The following CNTNAP2 variants were observed in gnomAD, a reference collection of about 807,000 sequenced individuals.
CNTNAP2 encodes contactin-associated protein-like 2.
CNTNAP2 carries 98 observed loss-of-function variants against 155.2 expected under a neutral mutation model. The observed-to-expected ratio is 0.63, with a 90% CI of 0.54 to 0.75. The LOEUF (loss-of-function observed/expected upper bound fraction) is 0.75, where lower values mean the gene tolerates loss of function less well. Ranked by LOEUF, CNTNAP2 falls within the 30% of genes least tolerant of loss-of-function variation. The pLI is 0.00. For missense variants in CNTNAP2, 1,727 were observed against 1,688.1 expected (o/e 1.02, Z -0.40); for synonymous variants, 651 against 631.2 (o/e 1.03, Z -0.47).
intron 1 of CNTNAP2, among the ~76,000 whole-genome samples, chr7:146,490,904 G>C (rs572702811): frequency 1.3e-5 from 2 of 152,154 alleles, no homozygotes; most frequent in South Asian, 4.1e-4. Flanking sequence ...TTCTCACTTT[G>C]TAATGGTGAC....
chr7:148,169,446 TTAAC>T (rs767940497), intron 17 of CNTNAP2, among the ~76,000 whole-genome samples: 4 of 152,284 alleles, frequency 2.6e-5, no homozygotes, highest in South Asian at 4.2e-4. Context: ...AAAAGTATGA[TTAAC>T]TAATTTTAAA....
chr7:146,506,962 C>T (rs1292344603), intron 1 of CNTNAP2, among the ~76,000 whole-genome samples: 1 of 152,126 alleles, frequency 6.6e-6, no homozygotes, highest in Non-Finnish European at 1.5e-5. Flanking sequence ...CTCAGGCTGA[C>T]CCATGGCCTT....
chr7:147,809,897 AT>A (rs1352473590), intron 13 of CNTNAP2, among the ~76,000 whole-genome samples: 1 of 152,100 alleles, frequency 6.6e-6, no homozygotes, highest in Non-Finnish European at 1.5e-5. Flanking sequence ...AGGGGTTCTG[AT>A]TCAGTCACAT....
At chr7:147,341,399 G>A (rs1795760363) in intron 9 of CNTNAP2, among the ~76,000 whole-genome samples, 1 of 151,156 alleles carries the variant, frequency 6.6e-6, no homozygotes, top group Admixed American at 6.6e-5. Context: ...TAACAAACCT[G>A]CATGTTCTAC....
chr7:146,909,156 A>G (rs1170140520), intron 3 of CNTNAP2, among the ~76,000 whole-genome samples: 5 of 152,074 alleles, frequency 3.3e-5, no homozygotes, highest in Non-Finnish European at 7.4e-5. Context: ...TTGTGGCAAT[A>G]ATCAATAGTT....
At chr7:146,905,081 C>T (rs140842259) in intron 3 of CNTNAP2, among the ~76,000 whole-genome samples, 43 of 152,190 alleles carry the variant, frequency 2.8e-4, no homozygotes, top group East Asian at 1.6e-3. Context: ...GTTGCTTAGC[C>T]GAATCCTTCC....
chr7:146,852,196 A>G (rs565174744), intron 3 of CNTNAP2, among the ~76,000 whole-genome samples: 1 of 152,266 alleles, frequency 6.6e-6, no homozygotes, highest in South Asian at 2.1e-4. Flanking sequence ...AGTACTTTAT[A>G]AAGTTATGAC....
intron 13 of CNTNAP2, among the ~76,000 whole-genome samples, chr7:147,782,317 A>C (rs10263200): frequency 0.18 from 26,746 of 152,254 alleles, 3,018 homozygotes; most frequent in African/African-American, 0.31. Context: ...CTAACAGCAA[A>C]TGTGAAAAGT....
chr7:146,171,655 G>A (rs1486352858), intron 1 of CNTNAP2, among the ~76,000 whole-genome samples: 5 of 151,234 alleles, frequency 3.3e-5, no homozygotes, highest in African/African-American at 4.9e-5. Context: ...ACACCAGTTT[G>A]GGAATTTTCT....
At chr7:146,825,324 G>A (rs185287072) in intron 2 of CNTNAP2, among the ~76,000 whole-genome samples, 2 of 152,186 alleles carry the variant, frequency 1.3e-5, no homozygotes, top group East Asian at 3.9e-4. Flanking sequence ...ATAGGAATCA[G>A]AGGGATTGTA....
At chr7:146,747,470 G>T (rs1022605022) in intron 1 of CNTNAP2, among the ~76,000 whole-genome samples, 4 of 152,092 alleles carry the variant, frequency 2.6e-5, no homozygotes, top group Non-Finnish European at 2.9e-5. Flanking sequence ...TTATTCTTAA[G>T]GAGGAAAAAT....
intron 1 of CNTNAP2, among the ~76,000 whole-genome samples, chr7:146,273,004 CT>C (rs1261871560): frequency 6.6e-6 from 1 of 150,716 alleles, no homozygotes; most frequent in Non-Finnish European, 1.5e-5. Flanking sequence ...GAGGAAGCAC[CT>C]ATTACATTGG....
chr7:147,062,623 A>G (rs1360727148), intron 4 of CNTNAP2, among the ~76,000 whole-genome samples: 1 of 152,300 alleles, frequency 6.6e-6, no homozygotes, highest in Non-Finnish European at 1.5e-5. Context: ...TGTCATGAAG[A>G]TTAAATTAGA....
chr7:146,769,146 T>A (rs940435321), intron 1 of CNTNAP2, among the ~76,000 whole-genome samples: 2 of 152,226 alleles, frequency 1.3e-5, no homozygotes, highest in Admixed American at 6.5e-5. Context: ...CTAATTTTCA[T>A]CCAAGATTCC....
At chr7:148,284,810 A>C (rs1276814512) in intron 21 of CNTNAP2, among the ~76,000 whole-genome samples, 1 of 152,304 alleles carries the variant, frequency 6.6e-6, no homozygotes, top group East Asian at 1.9e-4. Context: ...AATTGGAATA[A>C]AAAGAAATCA....
rs1315902589 is a variant in CNTNAP2, at chr7:148,016,862, CCTTTCTTCT to C, written c.2383+38874_2383+38882del. ...GGTATTTCTGGAATAGCATTCCTTC[CCTTTCTTCT>C]GCAGATCTGTCAAATTGTTCAGCTT... On this transcript the variant is annotated intron_variant, in intron 15 of 23. Coordinates refer to ENST00000361727, the MANE Select transcript of CNTNAP2 (RefSeq NM_014141.6). 2.0e-5 allele frequency among the ~76,000 whole-genome samples: 3 copies of C among 152,182 alleles called. No homozygotes were observed. The East Asian group carries it at 5.8e-4, about 30-fold the overall frequency.
chr7:146,709,941 G>A (rs1054354950), intron 1 of CNTNAP2, among the ~76,000 whole-genome samples: 1 of 152,268 alleles, frequency 6.6e-6, no homozygotes, highest in African/African-American at 2.4e-5. Context: ...ACAGCAGAAA[G>A]GTCAACATTG....
At chr7:148,340,854 G>A (rs949858719) in intron 21 of CNTNAP2, among the ~76,000 whole-genome samples, 11 of 152,170 alleles carry the variant, frequency 7.2e-5, no homozygotes, top group Non-Finnish European at 1.0e-4. Flanking sequence ...TGTAATTACC[G>A]CCTCTCCAGG....
chr7:146,436,771 G>T (rs1796249402), intron 1 of CNTNAP2, among the ~76,000 whole-genome samples: 1 of 148,032 alleles, frequency 6.8e-6, no homozygotes, highest in Non-Finnish European at 1.5e-5. Flanking sequence ...AATAGCAAGT[G>T]CTTGGTGTAT....
Sources: allele counts gnomAD v4.1 joint callset (sites outside exome capture counted in the v4.1 genomes callset), GRCh38; gene constraint gnomAD v4.1.1; transcripts MANE v1.5; gene names NCBI Gene and HGNC (gene_info 2026-07-23, HGNC 2026-07-21).